Variants in ADAMTS19 observed in about 807,000 individuals in gnomAD.
ADAMTS19 encodes the protein ADAM metallopeptidase with thrombospondin type 1 motif 19.
In ADAMTS19, 93 loss-of-function variants were observed where a neutral mutation model predicts 153.3. The observed-to-expected ratio is 0.61, with a 90% CI of 0.51 to 0.72. The LOEUF is 0.72. ADAMTS19 is among the 30% of genes least tolerant of loss of function. ADAMTS19 has a pLI of 0.00. For missense variants in ADAMTS19, 1,482 were observed against 1,552.1 expected, an observed-to-expected ratio of 0.95 and a Z score of 0.76; for synonymous variants, 600 against 556.6, an observed-to-expected ratio of 1.08 and a Z score of -1.10.
intron 7 of ADAMTS19, among the ~76,000 whole-genome samples, chr5:129,558,532 T>C (rs1401294499): frequency 6.6e-6 from 1 of 152,130 alleles, no homozygotes; most frequent in African/African-American, 2.4e-5. Flanking sequence ...TACACTCTAC[T>C]CATGGTCTGA....
Position 129,654,402 on chromosome 5 carries a change from G to A in ADAMTS19, c.2273G>A (p.Gly758Glu). The change falls in exon 14 of 23, where the codon GGA (glycine) becomes GAA (glutamate). Residue 758 changes from glycine to glutamate, a missense_variant. Gly to Glu is a moderately conservative substitution (Grantham distance 98). This residue lies in a region of ADAMTS19 where 616 missense variants were observed against 724.4 expected (regional missense o/e 0.85). Transcript: ENST00000274487. ...GATGGAACTTCTTGTGGCTATCAGGGATTAGATATCTGTGCAAATGGCAGG... is the reference window on the plus strand; with the variant it reads ...GATGGAACTTCTTGTGGCTATCAGGAATTAGATATCTGTGCAAATGGCAGG... ...VMDGTSCGYQGLDICANGRCQ... is the reference protein window; with the variant it reads ...VMDGTSCGYQELDICANGRCQ... 1.9e-6 allele frequency: 3 copies of A among 1,612,450 alleles called. No individual in the cohort carries two copies. Among genetic ancestry groups the A allele is most frequent in the Non-Finnish European group, 2.5e-6 (3 of 1,179,588 alleles).
intron 2 of ADAMTS19, among the ~76,000 whole-genome samples, chr5:129,487,777 TGTAGG>T (rs1561535630): frequency 3.3e-5 from 5 of 152,138 alleles, no homozygotes; most frequent in Admixed American, 2.6e-4. Context: ...TCAGTTTGTC[TGTAGG>T]AGAGGTCTGT....
At chr5:129,634,589 C>A (rs1752449247) in intron 10 of ADAMTS19, among the ~76,000 whole-genome samples, 2 of 152,022 alleles carry the variant, frequency 1.3e-5, no homozygotes, top group Non-Finnish European at 2.9e-5. Context: ...GACACATAGA[C>A]CAATGGAACA....
chr5:129,608,846 C>A (rs375268772), intron 8 of ADAMTS19, among the ~76,000 whole-genome samples: 346 of 130,214 alleles, frequency 2.7e-3, no homozygotes, highest in South Asian at 5.3e-3. Context: ...GACTCTGTCT[C>A]AAAAAAAAAA....
At chr5:129,657,899 A>G (rs1241818675) in intron 14 of ADAMTS19, among the ~76,000 whole-genome samples, 2 of 152,162 alleles carry the variant, frequency 1.3e-5, no homozygotes, top group Non-Finnish European at 2.9e-5. Flanking sequence ...ATTTAATAGA[A>G]ATGTGATTTC....
chr5:129,585,684 G>A (rs1749746615), intron 7 of ADAMTS19, among the ~76,000 whole-genome samples: 1 of 152,070 alleles, frequency 6.6e-6, no homozygotes, highest in Admixed American at 6.6e-5. Flanking sequence ...TCTGTCTGAA[G>A]AAACAGTTTT....
At chr5:129,721,685 C>T (rs1285275842) in intron 21 of ADAMTS19, among the ~76,000 whole-genome samples, 1 of 152,070 alleles carries the variant, frequency 6.6e-6, no homozygotes, top group African/African-American at 2.4e-5. Flanking sequence ...GTTTGCTGTA[C>T]CTTTCAACCT....
At chr5:129,680,484 C>T (rs917024381) in intron 17 of ADAMTS19, among the ~76,000 whole-genome samples, 12 of 152,030 alleles carry the variant, frequency 7.9e-5, no homozygotes, top group South Asian at 2.1e-4. Context: ...ATAGGCCAGA[C>T]GTGGTGGCTC....
Position 129,701,302 on chromosome 5 carries a change from G to A in ADAMTS19, c.2955-86G>A. The A allele has an allele frequency of 2.0e-6, 3 of 1,467,298 alleles. No individual in the cohort carries two copies. The African/African-American group carries it at 4.2e-5, about 20-fold the overall frequency. The allele number at this position is 1,467,298 out of a possible 1,614,324, so 90.9% of individuals were successfully genotyped here. A position where few individuals can be genotyped will look rare whatever the true frequency, so the allele number is the denominator to read the frequency against. On this transcript the variant is annotated intron_variant, in intron 19 of 22. Coordinates refer to ENST00000274487, the MANE Select transcript of ADAMTS19 (RefSeq NM_133638.6). The stretch of plus-strand genomic sequence containing the variant: ...TTGTAAATTGCCCAGTCTTGGGTAT[G>A]TCTTTATTAGCAGTGTGAGAACAGA...
At chr5:129,608,645 C>T (rs1751045473) in intron 8 of ADAMTS19, among the ~76,000 whole-genome samples, 1 of 151,986 alleles carries the variant, frequency 6.6e-6, no homozygotes, top group East Asian at 1.9e-4. Flanking sequence ...GTTATAATGG[C>T]TCACAGTGGA....
At chr5:129,615,412 T>C (rs1479271668) in intron 8 of ADAMTS19, among the ~76,000 whole-genome samples, 1 of 152,006 alleles carries the variant, frequency 6.6e-6, no homozygotes, top group African/African-American at 2.4e-5. Context: ...ATAAGAATCA[T>C]CTAAAAATGT....
At chr5:129,631,738 A>C (rs1349070281) in intron 10 of ADAMTS19, among the ~76,000 whole-genome samples, 2 of 151,930 alleles carry the variant, frequency 1.3e-5, no homozygotes, top group African/African-American at 4.8e-5. Context: ...TCTGTGTACT[A>C]TTTCAACTGA....
At chr5:129,558,199 C>T (rs1753378533) in intron 7 of ADAMTS19, among the ~76,000 whole-genome samples, 1 of 151,990 alleles carries the variant, frequency 6.6e-6, no homozygotes, top group Admixed American at 6.6e-5. Context: ...AATTCTGCTA[C>T]CACCACTTCT....
chr5:129,731,836 A>G (rs1459227426), intron 21 of ADAMTS19, among the ~76,000 whole-genome samples: 1 of 152,152 alleles, frequency 6.6e-6, no homozygotes, highest in Admixed American at 6.6e-5. Flanking sequence ...AGAATACACC[A>G]AGATAATTCA....
At chr5:129,588,173 T>G (rs916927679) in intron 7 of ADAMTS19, among the ~76,000 whole-genome samples, 1 of 152,142 alleles carries the variant, frequency 6.6e-6, no homozygotes, top group Non-Finnish European at 1.5e-5. Context: ...TCCACTGTAG[T>G]TCCTCTTCTT....
chr5:129,612,602 C>T (rs1219090505), intron 8 of ADAMTS19, among the ~76,000 whole-genome samples: 2 of 152,062 alleles, frequency 1.3e-5, no homozygotes, highest in Non-Finnish European at 2.9e-5. Context: ...TTGTAAAGAA[C>T]ATCGATGCTA....
chr5:129,654,262 T>C, intron 13 of ADAMTS19, 44 bp from the exon 14 acceptor site: 3 of 1,534,592 alleles, frequency 2.0e-6, no homozygotes, highest in Non-Finnish European at 1.7e-6. Context: ...AAAATATTTA[T>C]GGGGTAACTT....
intron 2 of ADAMTS19, among the ~76,000 whole-genome samples, chr5:129,465,711 T>A (rs1303688476): frequency 2.0e-5 from 3 of 152,038 alleles, no homozygotes; most frequent in Non-Finnish European, 4.4e-5. Flanking sequence ...AATAAACACA[T>A]AACGAGGAGA....
chr5:129,690,763 C>T (rs887628654), intron 18 of ADAMTS19, among the ~76,000 whole-genome samples: 8 of 151,930 alleles, frequency 5.3e-5, no homozygotes, highest in Admixed American at 2.6e-4. Flanking sequence ...TTTTGGTTCT[C>T]ATGCTTACTG....
Sources: gnomAD v4.1 joint callset for allele counts (sites outside exome capture counted in the v4.1 genomes callset) on GRCh38, gnomAD v4.1.1 for gene constraint, gnomAD v4.1.1 regional missense constraint, MANE v1.5 for transcripts, NCBI Gene and HGNC (gene_info 2026-07-23, HGNC 2026-07-21) for gene names.